The following CHD9 variants were observed in gnomAD, a reference collection of about 807,000 sequenced individuals.
CHD9 encodes chromodomain helicase DNA binding protein 9.
Under a neutral mutation model 316.1 loss-of-function variants are expected in CHD9, and 77 were observed. That is an observed-to-expected ratio of 0.24 (90% CI 0.20 to 0.29). The LOEUF is 0.29. Ranked by LOEUF, CHD9 falls within the 10% of genes least tolerant of loss-of-function variation. CHD9 has a pLI of 1.00. For synonymous variants in CHD9, 1,129 were observed against 1,158.3 expected (o/e 0.97, Z 0.51); for missense variants, 2,763 against 3,438.1 (o/e 0.80, Z 4.91).
At chr16:53,130,631 G>A (rs551552204) in intron 1 of CHD9, among the ~76,000 whole-genome samples, 9 of 151,566 alleles carry the variant, frequency 5.9e-5, no homozygotes, top group East Asian at 2.0e-4. Flanking sequence ...CCCCGAGGCC[G>A]CCCAGGGCTC....
In CHD9 at chr16:53,304,347, C is replaced by G. The variant is rs560691291; in HGVS notation, c.6341C>G (p.Pro2114Arg). ...GCAGCCAGAACAGAACCCCTAACTC[C>G]AAACCCAGCTTCTAAGAAACCAAGA... ...MVAARTEPLT[P>R]NPASKKPRVH... The change falls in exon 31 of 39, where the codon CCA becomes CGA. Residue 2114 changes from proline to arginine, a missense_variant. Coordinates refer to ENST00000447540, the MANE Select transcript of CHD9 (RefSeq NM_001308319.2). 2.4e-4 allele frequency: 395 copies of G among 1,613,170 alleles called. 5 individuals are homozygous for G. The South Asian group carries it at 3.7e-3, about 15-fold the overall frequency.
At chr16:53,206,817 C>G (rs924677160) in intron 2 of CHD9, among the ~76,000 whole-genome samples, 2 of 152,138 alleles carry the variant, frequency 1.3e-5, no homozygotes, top group African/African-American at 4.8e-5. Context: ...TTAGCCAGCC[C>G]CTTGTCTCCA....
intron 1 of CHD9, among the ~76,000 whole-genome samples, chr16:53,154,944 T>A (rs927757635): frequency 6.6e-6 from 1 of 152,120 alleles, no homozygotes; most frequent in Non-Finnish European, 1.5e-5. Context: ...CTCAAAAAAA[T>A]TTTTTTTCCT....
chr16:53,223,005 T>C (rs1243186431), intron 4 of CHD9, among the ~76,000 whole-genome samples: 1 of 152,172 alleles, frequency 6.6e-6, no homozygotes, highest in Non-Finnish European at 1.5e-5. Flanking sequence ...CCAGAGAGGT[T>C]AACAATACAA....
chr16:53,064,945 G>A (rs981980970), intron 1 of CHD9, among the ~76,000 whole-genome samples: 2 of 152,072 alleles, frequency 1.3e-5, no homozygotes, highest in Non-Finnish European at 2.9e-5. Flanking sequence ...CTCCAGCCTG[G>A]GCGACAGAGC....
chr16:53,171,301 C>T (rs957437772), intron 2 of CHD9, among the ~76,000 whole-genome samples: 73 of 152,194 alleles, frequency 4.8e-4, no homozygotes, highest in African/African-American at 1.6e-3. Flanking sequence ...CGCCTGTAGT[C>T]CCAGCTGCTC....
intron 37 of CHD9, among the ~76,000 whole-genome samples, chr16:53,318,686 T>G: frequency 6.6e-6 from 1 of 152,188 alleles, no homozygotes; most frequent in East Asian, 1.9e-4. Flanking sequence ...GAGACATCTT[T>G]GGTAGCCACA....
intron 36 of CHD9, 25 bp from the exon 37 acceptor site, chr16:53,318,187 A>AT (rs768291725): frequency 1.1e-5 from 18 of 1,580,930 alleles, no homozygotes; most frequent in Non-Finnish European, 1.1e-5. Flanking sequence ...GACTTTAAAG[A>AT]TATGTCTTTA....
intron 22 of CHD9, among the ~76,000 whole-genome samples, chr16:53,272,597 T>C (rs1053597004): frequency 4.6e-5 from 7 of 152,156 alleles, no homozygotes; most frequent in Non-Finnish European, 1.0e-4. Context: ...TAAATTATTA[T>C]ACAGAAACAA....
At chr16:53,090,838 C>T (rs2035871341) in intron 1 of CHD9, among the ~76,000 whole-genome samples, 1 of 152,202 alleles carries the variant, frequency 6.6e-6, no homozygotes, top group Admixed American at 6.5e-5. Flanking sequence ...CCCCAACCCC[C>T]ATGCCCTGTC....
At chr16:53,066,134 A>G (rs879808787) in intron 1 of CHD9, among the ~76,000 whole-genome samples, 2 of 152,280 alleles carry the variant, frequency 1.3e-5, no homozygotes, top group Admixed American at 6.5e-5. Flanking sequence ...CCCCAGTTCC[A>G]TCACTTACTG....
intron 1 of CHD9, among the ~76,000 whole-genome samples, chr16:53,071,357 A>G (rs1366117409): frequency 6.6e-6 from 1 of 152,110 alleles, no homozygotes; most frequent in Non-Finnish European, 1.5e-5. Flanking sequence ...TGTCTCAGAG[A>G]TGGTGTTATA....
At chr16:53,190,778 A>G (rs1392614039) in intron 2 of CHD9, among the ~76,000 whole-genome samples, 2 of 152,100 alleles carry the variant, frequency 1.3e-5, no homozygotes, top group Non-Finnish European at 2.9e-5. Flanking sequence ...TGCCACTAAC[A>G]ACAGGCCAGC....
At chr16:53,118,723 G>A (rs2038504604) in intron 1 of CHD9, among the ~76,000 whole-genome samples, 1 of 151,032 alleles carries the variant, frequency 6.6e-6, no homozygotes, top group African/African-American at 2.4e-5. Flanking sequence ...ATACTTTTAC[G>A]TTAGATATCA....
At position 53,156,514 on chromosome 16, in the gene CHD9, A is replaced by G. The variant is rs1268848431; in HGVS notation, c.425A>G (p.His142Arg). Residue 142 changes from histidine to arginine, a missense_variant, in exon 2 of 39, where the codon CAC becomes CGC. His to Arg is a conservative substitution (Grantham distance 29). Coordinates refer to ENST00000447540, the MANE Select transcript of CHD9 (RefSeq NM_001308319.2). ...TCAAATCAAAATGGATCTCCTTTTC[A>G]CCAACAAGGACATTCACACTCTATG... ...TISNQNGSPF[H>R]QQGHSHSMHQ... 3 of 1,613,960 alleles carry G rather than the reference A, an allele frequency of 1.9e-6. 1 individual carries two copies. The South Asian group carries it at 3.3e-5, about 18-fold the overall frequency.
chr16:53,156,382 C>T lies in CHD9; in HGVS notation c.293C>T (p.Ser98Phe). ...SPAEHVLSPH[S>F]QFNCSPIHPQ... ...GCTGAACATGTGTTATCTCCACACTCTCAGTTTAATTGTTCTCCAATCCAT... is the reference window on the plus strand; with the variant it reads ...GCTGAACATGTGTTATCTCCACACTTTCAGTTTAATTGTTCTCCAATCCAT... The change falls in exon 2 of 39, where the codon TCT becomes TTT. Residue 98 changes from serine (S) to phenylalanine (F), a missense_variant. Ser to Phe is a radical substitution (Grantham distance 155). Around this residue, in one of 15 missense-constraint regions of CHD9, gnomAD observed 859 missense variants for 890.4 expected, o/e 0.96. Coordinates refer to ENST00000447540, the MANE Select transcript of CHD9 (RefSeq NM_001308319.2). 6.2e-7 allele frequency: 1 copy of T among 1,613,984 alleles called. No homozygotes were observed. The highest frequency in any genetic ancestry group is 1.1e-5 in the South Asian group (1 of 91,086).
At chr16:53,194,608 A>G (rs992136134) in intron 2 of CHD9, among the ~76,000 whole-genome samples, 5 of 152,190 alleles carry the variant, frequency 3.3e-5, no homozygotes, top group African/African-American at 9.6e-5. Flanking sequence ...TAAAACAAGC[A>G]TTTGAAAATT....
intron 1 of CHD9, among the ~76,000 whole-genome samples, chr16:53,070,418 GTA>G (rs1470632511): frequency 2.6e-5 from 4 of 151,860 alleles, no homozygotes; most frequent in Non-Finnish European, 5.9e-5. Context: ...GTTACTTTTT[GTA>G]TGTCATGTAA....
intron 1 of CHD9, among the ~76,000 whole-genome samples, chr16:53,089,034 C>G (rs1482003408): frequency 1.3e-5 from 2 of 152,106 alleles, no homozygotes; most frequent in Admixed American, 6.6e-5. Flanking sequence ...ATCGCTTGAA[C>G]CTGGGAGGCG....
Sources: gnomAD v4.1 joint callset for allele counts (sites outside exome capture counted in the v4.1 genomes callset) on GRCh38, gnomAD v4.1.1 for gene constraint, gnomAD v4.1.1 regional missense constraint, MANE v1.5 for transcripts, NCBI Gene and HGNC (gene_info 2026-07-23, HGNC 2026-07-21) for gene names.